Variants in FBXL2 observed in about 807,000 individuals in gnomAD.
FBXL2 encodes the protein F-box/LRR-repeat protein 2.
Under a neutral mutation model 69.2 loss-of-function variants are expected in FBXL2, and 38 were observed. The ratio of observed to expected loss-of-function variants is 0.55; its 90% CI spans 0.42 to 0.72. The LOEUF is 0.72. FBXL2 is among the 30% of genes least tolerant of loss of function. FBXL2 has a pLI of 0.00. For missense variants in FBXL2, 354 were observed against 520.3 expected (o/e 0.68, Z 3.11); for synonymous variants, 192 against 201.3 (o/e 0.95, Z 0.39).
chr3:33,412,763 C>T, the FBXL2 span: 1 of 1,614,100 alleles, frequency 6.2e-7, no homozygotes, highest in East Asian at 2.2e-5. Context: ...CCACTTCCAT[C>T]CTTCAAGTTG....
At chr3:33,307,029 TA>T (rs2036781521) in intron 2 of FBXL2, among the ~76,000 whole-genome samples, 1 of 152,062 alleles carries the variant, frequency 6.6e-6, no homozygotes, top group South Asian at 2.1e-4. Context: ...GTTTTAGAAA[TA>T]ATGAGATATA....
chr3:33,378,776 T>TA (rs779220749), intron 13 of FBXL2, 35 bp downstream of exon 13: 2 of 1,614,060 alleles, frequency 1.2e-6, no homozygotes, highest in South Asian at 2.2e-5. Flanking sequence ...ATTCACCTGT[T>TA]AAAGATGAAA....
intron 12 of FBXL2, chr3:33,403,040 A>T (rs2044289774): frequency 1.3e-6 from 1 of 765,968 alleles, no homozygotes; most frequent in South Asian, 1.7e-5. Context: ...AACCTCACAG[A>T]CACATGTCAA....
chr3:33,411,391 A>G, the FBXL2 span, among the ~76,000 whole-genome samples: 7 of 152,218 alleles, frequency 4.6e-5, no homozygotes, highest in Non-Finnish European at 7.3e-5. Flanking sequence ...CATATCATAG[A>G]ATGTCTTCAT....
intron 1 of FBXL2, among the ~76,000 whole-genome samples, chr3:33,284,496 G>A (rs565237873): frequency 9.2e-5 from 14 of 152,228 alleles, no homozygotes; most frequent in Admixed American, 3.3e-4. Flanking sequence ...TAAGTGCAAT[G>A]TGATGCTGAG....
At chr3:33,395,026 C>G (rs2043920676) in intron 12 of FBXL2, among the ~76,000 whole-genome samples, 1 of 152,082 alleles carries the variant, frequency 6.6e-6, no homozygotes, top group African/African-American at 2.4e-5. Context: ...TTCCCCATAT[C>G]CCTCCACAAA....
At chr3:33,284,976 G>T (rs1245589053) in intron 1 of FBXL2, among the ~76,000 whole-genome samples, 1 of 152,140 alleles carries the variant, frequency 6.6e-6, no homozygotes, top group Non-Finnish European at 1.5e-5. Context: ...ACAGCACACT[G>T]TTGGGTCTTG....
intron 1 of FBXL2, among the ~76,000 whole-genome samples, chr3:33,288,965 A>G (rs1429500765): frequency 2.0e-5 from 3 of 152,190 alleles, no homozygotes; most frequent in Non-Finnish European, 4.4e-5. Flanking sequence ...TGGAATATAA[A>G]TGATTTTGAT....
At chr3:33,338,334 GGTGGGAGGTGAAGGT>G (rs1249984497) in intron 2 of FBXL2, among the ~76,000 whole-genome samples, 2 of 152,004 alleles carry the variant, frequency 1.3e-5, no homozygotes, top group African/African-American at 2.4e-5. Context: ...ACCACTTGAA[GGTGGGAGGTGAAGGT>G]TGCAGTGAGC....
Position 33,377,352 on chromosome 3 carries a change from G to A in FBXL2, c.849+19G>A. 1 of 1,613,028 alleles carries A rather than the reference G, an allele frequency of 6.2e-7. No individual in the cohort carries two copies. Among genetic ancestry groups the A allele is most frequent in the Non-Finnish European group, 8.5e-7 (1 of 1,179,020 alleles). On this transcript the variant is annotated intron_variant, in intron 11 of 14. Coordinates refer to ENST00000484457, the MANE Select transcript of FBXL2 (RefSeq NM_012157.5). The stretch of plus-strand genomic sequence containing the variant: ...AGCTCGGGTAAGGCATAGATTTAAA[G>A]AATACAACCAAACTCTAATTCACCT...
At chr3:33,372,951 ACT>A (rs1559624228) in intron 5 of FBXL2, 139 bp from the exon 6 acceptor site, 1 of 739,022 alleles carries the variant, frequency 1.4e-6, no homozygotes, top group East Asian at 2.5e-5. Flanking sequence ...CAGAATCTGC[ACT>A]GTGACAAGAA....
chr3:33,326,851 T>C (rs1226644393), intron 2 of FBXL2, among the ~76,000 whole-genome samples: 1 of 152,228 alleles, frequency 6.6e-6, no homozygotes, highest in Non-Finnish European at 1.5e-5. Context: ...GGCATCACTT[T>C]TTGTTATCCT....
chr3:33,420,267 C>T, the FBXL2 span, among the ~76,000 whole-genome samples: 16 of 152,300 alleles, frequency 1.1e-4, no homozygotes, highest in Middle Eastern at 3.4e-3. Flanking sequence ...AAATATTTAA[C>T]GGAATTCTTA....
chr3:33,401,766 AAGTT>A (rs2044237517), intron 12 of FBXL2, among the ~76,000 whole-genome samples: 1 of 152,310 alleles, frequency 6.6e-6, no homozygotes, highest in South Asian at 2.1e-4. Context: ...GGAACACAAT[AAGTT>A]CTCCAGTCTA....
At chr3:33,402,089 T>A (rs1045830932) in intron 12 of FBXL2, among the ~76,000 whole-genome samples, 1 of 152,192 alleles carries the variant, frequency 6.6e-6, no homozygotes, top group African/African-American at 2.4e-5. Context: ...GATCTTAGCT[T>A]TCATAATTTT....
intron 2 of FBXL2, among the ~76,000 whole-genome samples, chr3:33,325,787 T>C (rs1471003251): frequency 6.6e-6 from 1 of 152,232 alleles, no homozygotes; most frequent in Non-Finnish European, 1.5e-5. Flanking sequence ...TTGTAACTAA[T>C]GTTCAATATT....
At chr3:33,400,235 G>A in intron 12 of FBXL2, 1 of 1,603,386 alleles carries the variant, frequency 6.2e-7, no homozygotes, top group Non-Finnish European at 8.5e-7. Flanking sequence ...ATCTGTTTTT[G>A]AGCAGCCATT....
chr3:33,400,091 C>T, intron 12 of FBXL2: 1 of 700,282 alleles, frequency 1.4e-6, no homozygotes, highest in Non-Finnish European at 2.1e-6. Flanking sequence ...ACTTCCTATC[C>T]ATAGTTATTT....
At chr3:33,318,134 T>G (rs1166228130) in intron 2 of FBXL2, among the ~76,000 whole-genome samples, 1 of 152,090 alleles carries the variant, frequency 6.6e-6, no homozygotes, top group Non-Finnish European at 1.5e-5. Flanking sequence ...TTGTTTTGTT[T>G]CCTGTTCCCC....
Sources: allele counts gnomAD v4.1 joint callset (sites outside exome capture counted in the v4.1 genomes callset), GRCh38; gene constraint gnomAD v4.1.1; transcripts MANE v1.5; gene names NCBI Gene and HGNC (gene_info 2026-07-23, HGNC 2026-07-21).